Variants in DAP observed in about 807,000 individuals in gnomAD.
DAP encodes the protein death-associated protein 1.
Under a neutral mutation model 13.8 loss-of-function variants are expected in DAP, and 8 were observed. The observed-to-expected ratio is 0.58, with a 90% confidence interval of 0.34 to 1.05. The LOEUF (loss-of-function observed/expected upper bound fraction) is 1.05. DAP is among the 50% of genes least tolerant of loss of function. The pLI, the probability that DAP is intolerant of heterozygous loss-of-function variation, is 0.03. For synonymous variants in DAP, 47 were observed against 47.5 expected (o/e 0.99, Z 0.04); for missense variants, 106 against 133.2 (o/e 0.80, Z 1.01).
chr5:10,708,385 TACAC>T (rs547741565), intron 2 of DAP, among the ~76,000 whole-genome samples: 2 of 145,062 alleles, frequency 1.4e-5, no homozygotes, highest in Non-Finnish European at 3.0e-5. Flanking sequence ...CAGACATACA[TACAC>T]ACACACATGC....
chr5:10,752,650 G>A (rs193084165), intron 1 of DAP, among the ~76,000 whole-genome samples: 1 of 152,322 alleles, frequency 6.6e-6, no homozygotes, highest in African/African-American at 2.4e-5. Context: ...GTGTGTGTGT[G>A]TGTGTGCATG....
chr5:10,716,950 A>T (rs1340897951), intron 2 of DAP, among the ~76,000 whole-genome samples: 1 of 152,036 alleles, frequency 6.6e-6, no homozygotes, highest in Non-Finnish European at 1.5e-5. Context: ...AATGCTAAGG[A>T]CTCTGCTTCT....
chr5:10,759,303 A>C (rs1740280113), intron 1 of DAP, among the ~76,000 whole-genome samples: 2 of 152,332 alleles, frequency 1.3e-5, no homozygotes, highest in South Asian at 2.1e-4. Context: ...TGGGGAGTGG[A>C]GGGCCAGAGC....
At chr5:10,740,269 AGAG>A (rs1739723979) in intron 2 of DAP, among the ~76,000 whole-genome samples, 1 of 152,226 alleles carries the variant, frequency 6.6e-6, no homozygotes, top group Non-Finnish European at 1.5e-5. Flanking sequence ...TCGGCGGCAG[AGAG>A]GAGAAAAACA....
At chr5:10,712,717 G>A (rs1347800555) in intron 2 of DAP, among the ~76,000 whole-genome samples, 2 of 152,138 alleles carry the variant, frequency 1.3e-5, no homozygotes, top group Non-Finnish European at 1.5e-5. Context: ...TAGGGCAAGG[G>A]AAGCCCTGTG....
chr5:10,747,446 T>C (rs1339316841), intron 2 of DAP, among the ~76,000 whole-genome samples: 5 of 152,196 alleles, frequency 3.3e-5, no homozygotes, highest in African/African-American at 1.2e-4. Context: ...CAGTCACTCA[T>C]AAGGGCATGG....
intron 2 of DAP, among the ~76,000 whole-genome samples, chr5:10,736,528 G>A (rs1030368669): frequency 6.6e-5 from 10 of 152,188 alleles, no homozygotes; most frequent in Admixed American, 5.9e-4. Flanking sequence ...CAGCAGACTC[G>A]GCTGCCGTCA....
intron 2 of DAP, among the ~76,000 whole-genome samples, chr5:10,725,369 C>G (rs1004117311): frequency 6.6e-6 from 1 of 152,150 alleles, no homozygotes; most frequent in Non-Finnish European, 1.5e-5. Context: ...GGCTCCTGCA[C>G]GCTGGGCCAG....
At chr5:10,743,722 C>T (rs1739826966) in intron 2 of DAP, among the ~76,000 whole-genome samples, 3 of 152,198 alleles carry the variant, frequency 2.0e-5, no homozygotes, top group Admixed American at 2.0e-4. Context: ...CGACAAAAGG[C>T]TTGGAAACCA....
chr5:10,686,145 T>C (rs1198921912), intron 2 of DAP, among the ~76,000 whole-genome samples: 1 of 152,224 alleles, frequency 6.6e-6, no homozygotes, highest in Non-Finnish European at 1.5e-5. Context: ...ACCGTGCCCA[T>C]ATAAGATGGT....
At chr5:10,740,936 A>G (rs1739738083) in intron 2 of DAP, among the ~76,000 whole-genome samples, 3 of 152,256 alleles carry the variant, frequency 2.0e-5, no homozygotes, top group Admixed American at 2.0e-4. Context: ...ATTAAAAACA[A>G]TAACAATGTA....
chr5:10,684,968 T>C (rs1240825144), intron 2 of DAP, among the ~76,000 whole-genome samples: 1 of 152,170 alleles, frequency 6.6e-6, no homozygotes, highest in East Asian at 1.9e-4. Flanking sequence ...GGGGTAGAAT[T>C]TATCCCCTGA....
chr5:10,680,778 C>T lies in DAP; in HGVS notation c.*278G>A. ...GGTGACTGCTGAAATAGAACTAAAG[C>T]TAAAATTTTTCTCGGATCTTGGCAA... On this transcript the variant is annotated 3_prime_UTR_variant, in exon 4 of 4. Coordinates refer to ENST00000230895, the MANE Select transcript of DAP (RefSeq NM_004394.3). The T allele has an allele frequency of 1.3e-6, 2 of 1,536,670 alleles. No homozygotes were observed. The highest frequency in any genetic ancestry group is 2.7e-5 in the African/African-American group (2 of 73,180).
Position 10,761,027 on chromosome 5 carries a change from TC to T in DAP, c.41del (p.Gly14AspfsTer6). 8.3e-7 allele frequency: 1 copy of T among 1,211,198 alleles called. No individual in the cohort carries two copies. Among genetic ancestry groups the T allele is most frequent in the South Asian group, 3.6e-5 (1 of 27,850 alleles). The allele number at this position is 1,211,198 out of a possible 1,614,324, so 75.0% of individuals were successfully genotyped here. A position where few individuals can be genotyped will look rare whatever the true frequency, so the allele number is the denominator to read the frequency against. ...AAGAGTCAGTACCGGCGGGCGGGTG[TC>T]CAGCTTTAGTCTCTAGTTTCCCTTC... ...PPEGKLETKA[G>X]HPPAVKAGGM... On this transcript the variant is annotated frameshift_variant, in exon 1 of 4. Coordinates refer to ENST00000230895, the MANE Select transcript of DAP (RefSeq NM_004394.3). LOFTEE classifies it high-confidence loss of function.
At position 10,694,616 on chromosome 5, in the gene DAP, C is replaced by T. The variant is rs142750066; in HGVS notation, c.153-11045G>A. Among the ~76,000 whole-genome samples the T allele has an allele frequency of 8.2e-3, 1,246 of 152,332 alleles. 6 individuals carry two copies. Among genetic ancestry groups the T allele is most frequent in the Non-Finnish European group, 0.012 (842 of 68,032 alleles). On this transcript the variant is annotated intron_variant, in intron 2 of 3. Transcript: ENST00000230895. ...CAGAAGAAGAGGCCCTTGGGCCTCA[C>T]CCACTGTGTGCTGATGAAAGGTAGT...
At chr5:10,730,718 A>C (rs1739433958) in intron 2 of DAP, among the ~76,000 whole-genome samples, 1 of 88,058 alleles carries the variant, frequency 1.1e-5, no homozygotes, top group African/African-American at 4.7e-5. Flanking sequence ...GTGAGGGGGA[A>C]TCTTTCTGTA....
chr5:10,736,134 G>A (rs1378073296), intron 2 of DAP, among the ~76,000 whole-genome samples: 1 of 152,206 alleles, frequency 6.6e-6, no homozygotes, highest in African/African-American at 2.4e-5. Flanking sequence ...CAGAAGCTGC[G>A]AGACAGGCCT....
rs1737930301 is a variant in DAP at position 10,679,635 on chromosome 5, G to A, written c.*1421C>T. ...ACCAACTGATCAGGAAATAGGTGGT[G>A]ACAGGGCCTTGAAGGGTACATGCCG... On this transcript the variant is annotated 3_prime_UTR_variant, in exon 4 of 4. Transcript: ENST00000230895. The A allele has an allele frequency of 6.6e-6, 1 of 152,396 alleles. No individual in the cohort carries two copies. The highest frequency in any genetic ancestry group is 1.9e-4 in the East Asian group (1 of 5,316). The allele number at this position is 152,396 out of a possible 1,614,324, so 9.4% of individuals were successfully genotyped here.
chr5:10,734,919 A>G (rs1739566500), intron 2 of DAP, among the ~76,000 whole-genome samples: 1 of 152,192 alleles, frequency 6.6e-6, no homozygotes, highest in Admixed American at 6.5e-5. Flanking sequence ...TGTGGCCCCC[A>G]GGCAGACTGT....
Sources: allele counts gnomAD v4.1 joint callset (sites outside exome capture counted in the v4.1 genomes callset), GRCh38; gene constraint gnomAD v4.1.1; transcripts MANE v1.5; gene names NCBI Gene and HGNC (gene_info 2026-07-23, HGNC 2026-07-21).